ASIC2: variants seen among roughly 807,000 people sequenced by gnomAD.
ASIC2 encodes the protein acid sensing ion channel subunit 2, also known as acid-sensing ion channel 2.
ASIC2 carries 25 observed loss-of-function variants against 57.3 expected under a neutral mutation model. That is an observed-to-expected ratio of 0.44 (90% CI 0.32 to 0.61). The LOEUF is 0.61. ASIC2 is among the 20% of genes least tolerant of loss of function. ASIC2 has a pLI of 0.06. For missense variants in ASIC2, 641 were observed against 738.1 expected, an observed-to-expected ratio of 0.87 and a Z score of 1.52; for synonymous variants, 319 against 307.5, an observed-to-expected ratio of 1.04 and a Z score of -0.39.
intron 1 of ASIC2, among the ~76,000 whole-genome samples, chr17:33,766,860 C>T (rs1910950573): frequency 6.6e-6 from 1 of 152,204 alleles, no homozygotes. Context: ...TCTCAACTAC[C>T]ATTGCCTCAT....
intron 1 of ASIC2, among the ~76,000 whole-genome samples, chr17:33,144,035 C>G (rs551754045): frequency 5.3e-5 from 8 of 152,224 alleles, no homozygotes; most frequent in Non-Finnish European, 7.4e-5. Flanking sequence ...GGAACCAACT[C>G]CCCCTGGGCA....
chr17:34,045,492 CAAG>C, intron 1 of ASIC2, among the ~76,000 whole-genome samples: 1 of 152,300 alleles, frequency 6.6e-6, no homozygotes, highest in East Asian at 1.9e-4. Flanking sequence ...CAGTCTTTCC[CAAG>C]AAGATTAATG....
intron 1 of ASIC2, among the ~76,000 whole-genome samples, chr17:33,248,261 T>G (rs1195049827): frequency 6.6e-6 from 1 of 152,188 alleles, no homozygotes; most frequent in Non-Finnish European, 1.5e-5. Context: ...CCTGGCCTGT[T>G]CAAGGAACAG....
chr17:33,946,610 A>G (rs1039285699), intron 1 of ASIC2, among the ~76,000 whole-genome samples: 3 of 152,162 alleles, frequency 2.0e-5, no homozygotes, highest in African/African-American at 7.2e-5. Context: ...GCCTTCTAGG[A>G]CTCATAGGCT....
rs1407431830 is a variant in ASIC2, at chr17:34,101,198, G to A, written c.555+54780C>T. 2.0e-5 allele frequency among the ~76,000 whole-genome samples: 3 copies of A among 152,110 alleles called. No individual in the cohort carries two copies. The East Asian group carries it at 5.8e-4, about 29-fold the overall frequency. Reference sequence around the variant, plus strand: ...GATCTATTCCTCGACTCTGTAAATGGCTGTTGAGCATCCCAAATGTATCCG... The same window carrying A: ...GATCTATTCCTCGACTCTGTAAATGACTGTTGAGCATCCCAAATGTATCCG... On this transcript the variant is annotated intron_variant, in intron 1 of 9. Transcript: ENST00000359872.
intron 3 of ASIC2, chr17:33,052,129 T>G (rs1266842651): frequency 1.3e-5 from 2 of 152,216 alleles, no homozygotes; most frequent in Non-Finnish European, 2.9e-5. Context: ...ATTTCATTTA[T>G]AAATACGTAT....
intron 1 of ASIC2, chr17:33,291,122 G>A: frequency 2.0e-6 from 1 of 499,798 alleles, no homozygotes; most frequent in Non-Finnish European, 3.3e-6. Flanking sequence ...TTCACAGACG[G>A]GACCATAAGG....
chr17:34,123,441 T>G (rs1053323285), intron 1 of ASIC2, among the ~76,000 whole-genome samples: 1 of 152,142 alleles, frequency 6.6e-6, no homozygotes, highest in Admixed American at 6.5e-5. Context: ...GCCAGACTCC[T>G]GGGGAATGGC....
rs144241819 is a variant in ASIC2 at position 33,788,940 on chromosome 17, A to C, written c.555+367038T>G. On this transcript the variant is annotated intron_variant, in intron 1 of 9. Transcript: ENST00000359872. ...TGAGGGGAGAGAACTTAGATGATGG[A>C]TCAATAGGTGCAGCAAACCACCATG... Among the ~76,000 whole-genome samples the C allele has an allele frequency of 3.6e-3, 542 of 152,268 alleles. 3 individuals carry two copies. Among genetic ancestry groups the C allele is most frequent in the African/African-American group, 0.011 (443 of 41,562 alleles).
chr17:33,188,955 G>A (rs1587263), intron 1 of ASIC2, among the ~76,000 whole-genome samples: 7,818 of 152,176 alleles, frequency 0.051, 362 homozygotes, highest in East Asian at 0.18. Flanking sequence ...GTGTTGTGGG[G>A]TTTATAGCAT....
At chr17:33,990,138 C>T (rs988763890) in intron 1 of ASIC2, among the ~76,000 whole-genome samples, 1 of 152,194 alleles carries the variant, frequency 6.6e-6, no homozygotes, top group Non-Finnish European at 1.5e-5. Flanking sequence ...CTTGACTTTA[C>T]ATCTGGCCAT....
intron 1 of ASIC2, among the ~76,000 whole-genome samples, chr17:33,946,187 G>A (rs1014561250): frequency 6.6e-6 from 1 of 152,182 alleles, no homozygotes; most frequent in Non-Finnish European, 1.5e-5. Context: ...ACATAGACCT[G>A]CATAAGTATA....
chr17:33,893,292 G>T (rs1667622142), intron 1 of ASIC2, among the ~76,000 whole-genome samples: 2 of 152,122 alleles, frequency 1.3e-5, no homozygotes, highest in Admixed American at 6.5e-5. Context: ...GTGCTTGCAG[G>T]ACCACTTCCT....
intron 1 of ASIC2, among the ~76,000 whole-genome samples, chr17:33,558,766 G>A (rs1472027354): frequency 6.6e-6 from 1 of 151,976 alleles, no homozygotes; most frequent in Non-Finnish European, 1.5e-5. Flanking sequence ...GCCATAATTT[G>A]TTGACCCTGC....
intron 1 of ASIC2, among the ~76,000 whole-genome samples, chr17:33,265,151 G>A (rs117540861): frequency 0.012 from 1,856 of 152,190 alleles, 15 homozygotes; most frequent in South Asian, 0.02. Context: ...TTTCTTACAG[G>A]GCTCCTTTGC....
chr17:33,734,068 G>C (rs1909832308), intron 1 of ASIC2, among the ~76,000 whole-genome samples: 2 of 152,252 alleles, frequency 1.3e-5, no homozygotes, highest in African/African-American at 2.4e-5. Flanking sequence ...TGAGAAAATA[G>C]AAGCAATCAG....
chr17:33,765,357 C>T (rs1910904869), intron 1 of ASIC2, among the ~76,000 whole-genome samples: 1 of 152,168 alleles, frequency 6.6e-6, no homozygotes, highest in South Asian at 2.1e-4. Flanking sequence ...ATCCACCCGC[C>T]TCGGCCTCCC....
intron 1 of ASIC2, among the ~76,000 whole-genome samples, chr17:33,775,592 C>T (rs543211211): frequency 6.6e-6 from 1 of 152,186 alleles, no homozygotes; most frequent in African/African-American, 2.4e-5. Context: ...TAGTGTGCAT[C>T]TGTGTGTGGT....
intron 1 of ASIC2, among the ~76,000 whole-genome samples, chr17:34,016,416 T>A (rs1597975340): frequency 3.3e-5 from 3 of 90,654 alleles, no homozygotes; most frequent in Non-Finnish European, 1.9e-5. Context: ...AGAGCGAGAC[T>A]CCGTCTCAAA....
Sources: allele counts gnomAD v4.1 joint callset (sites outside exome capture counted in the v4.1 genomes callset), GRCh38; gene constraint gnomAD v4.1.1; transcripts MANE v1.5; gene names NCBI Gene and HGNC (gene_info 2026-07-23, HGNC 2026-07-21).